The following SALL3 variants were observed in gnomAD, a reference collection of about 807,000 sequenced individuals.
SALL3 encodes the protein spalt like transcription factor 3.
Under a neutral mutation model 66.2 loss-of-function variants are expected in SALL3, and 25 were observed. The ratio of observed to expected loss-of-function variants is 0.38; its 90% CI spans 0.28 to 0.53. The LOEUF is 0.53. Ranked by LOEUF, SALL3 falls within the 20% of genes least tolerant of loss-of-function variation. The probability of loss-of-function intolerance (pLI) is 0.85; values close to 1 mark genes in which losing one functional copy is unlikely to be tolerated. For synonymous variants in SALL3, 1,152 were observed against 899.1 expected (o/e 1.28, Z -5.03); for missense variants, 2,194 against 1,916.5 (o/e 1.14, Z -2.70).
chr18:78,984,238 A>G (rs1914164605), intron 1 of SALL3, among the ~76,000 whole-genome samples: 1 of 152,194 alleles, frequency 6.6e-6, no homozygotes, highest in East Asian at 1.9e-4. Context: ...TTTGGGGGGA[A>G]TTCAGCAAAA....
intron 1 of SALL3, among the ~76,000 whole-genome samples, chr18:78,991,383 T>TTG (rs796281638): frequency 2.2e-5 from 2 of 92,116 alleles, no homozygotes; most frequent in Non-Finnish European, 4.6e-5. Flanking sequence ...AGTACAAGGG[T>TTG]GGGGGGGGGG....
chr18:78,989,807 C>T (rs1466475295), intron 1 of SALL3, among the ~76,000 whole-genome samples: 1 of 152,184 alleles, frequency 6.6e-6, no homozygotes, highest in Non-Finnish European at 1.5e-5. Flanking sequence ...CCTTAAAACA[C>T]TCTGTTCCTT....
chr18:78,980,072 C>T lies in SALL3; in HGVS notation c.-203C>T, dbSNP rs1913946331. Among the ~76,000 whole-genome samples, 1 of 146,034 alleles carries T rather than the reference C, an allele frequency of 6.8e-6. No individual in the cohort carries two copies. Among genetic ancestry groups the T allele is most frequent in the Non-Finnish European group, 1.5e-5 (1 of 65,748 alleles). ...CATTTGCATAGGCCGCCGGAGTCCGCTGGAGCCCGGCCAATCGGCGCGGCC... is the reference window on the plus strand; with the variant it reads ...CATTTGCATAGGCCGCCGGAGTCCGTTGGAGCCCGGCCAATCGGCGCGGCC... On this transcript the variant is annotated 5_prime_UTR_variant, in exon 1 of 3. Transcript: ENST00000537592.
At chr18:78,985,998 A>G (rs1179922298) in intron 1 of SALL3, among the ~76,000 whole-genome samples, 2 of 152,244 alleles carry the variant, frequency 1.3e-5, no homozygotes, top group African/African-American at 4.8e-5. Context: ...ATTTTTCATT[A>G]GGCATAGATA....
Position 78,997,364 on chromosome 18 carries a change from A to G in SALL3, c.*42A>G. 1 of 1,573,170 alleles carries G rather than the reference A, an allele frequency of 6.4e-7. No homozygotes were observed. Among genetic ancestry groups the G allele is most frequent in the Non-Finnish European group, 8.7e-7 (1 of 1,152,232 alleles). On this transcript the variant is annotated 3_prime_UTR_variant, in exon 3 of 3. Transcript: ENST00000537592. ...CTGCCCTGCCCAGGCCCACGTTTTGAAGTTGGAGCATCAGGCCTCCGACCT... is the reference window on the plus strand; with the variant it reads ...CTGCCCTGCCCAGGCCCACGTTTTGGAGTTGGAGCATCAGGCCTCCGACCT...
At chr18:78,982,421 G>A (rs1914103045) in intron 1 of SALL3, among the ~76,000 whole-genome samples, 1 of 152,240 alleles carries the variant, frequency 6.6e-6, no homozygotes, top group African/African-American at 2.4e-5. Context: ...AAAATACCCT[G>A]TGTGGGGCCG....
intron 1 of SALL3, 35 bp from the exon 2 acceptor site, chr18:78,992,039 C>T: frequency 7.2e-7 from 1 of 1,383,890 alleles, no homozygotes; most frequent in Non-Finnish European, 9.4e-7. Flanking sequence ...GGGCGGGCGC[C>T]GAGCCCCGGC....
Position 78,991,733 on chromosome 18 carries a change from C to T in SALL3, c.83-341C>T, listed in dbSNP as rs775066329. The T allele has an allele frequency of 1.4e-5, 4 of 290,162 alleles. No homozygotes were observed. The East Asian group carries it at 1.7e-4, about 12-fold the overall frequency. The allele number at this position is 290,162 out of a possible 1,614,324, so 18.0% of individuals were successfully genotyped here. On this transcript the variant is annotated intron_variant, in intron 1 of 2. Transcript: ENST00000537592. ...CTAATTTTGCTGGAAATGAGGAAGC[C>T]GGATGGTAAAGGGGAATCCTAATGA...
In SALL3 at chr18:78,992,708, G is replaced by A. The variant is rs1347510295; in HGVS notation, c.717G>A (p.Arg239=). The A allele has an allele frequency of 1.0e-5, 15 of 1,492,444 alleles. No individual in the cohort carries two copies. Among genetic ancestry groups the A allele is most frequent in the African/African-American group, 1.5e-5 (1 of 67,780 alleles). 92.5% of individuals were successfully genotyped at this position (1,492,444 alleles called of 1,614,324 possible). ...CCCTCATGCAGCGCCCGCCGCCGCGGCCCTCACTCAGCCCCGCGGCCGCCC... is the reference window on the plus strand; with the variant it reads ...CCCTCATGCAGCGCCCGCCGCCGCGACCCTCACTCAGCCCCGCGGCCGCCC... ...QVALMQRPPP[R]PSLSPAAAPS... Residue 239 remains arginine, a synonymous_variant, in exon 2 of 3, where the codon CGG becomes CGA. Coordinates refer to ENST00000537592, the MANE Select transcript of SALL3 (RefSeq NM_171999.4).
Position 78,992,690 on chromosome 18 carries a change from G to A in SALL3, c.699G>A (p.Met233Ile). ...IEQIRSQVAL[M>I]QRPPPRPSLS... Reference sequence around the variant, plus strand: ...AGATCCGCAGCCAGGTGGCCCTCATGCAGCGCCCGCCGCCGCGGCCCTCAC... The same window carrying A: ...AGATCCGCAGCCAGGTGGCCCTCATACAGCGCCCGCCGCCGCGGCCCTCAC... Residue 233 changes from methionine to isoleucine, a missense_variant, in exon 2 of 3, where the codon ATG becomes ATA. Coordinates refer to ENST00000537592, the MANE Select transcript of SALL3 (RefSeq NM_171999.4). 6.6e-7 allele frequency: 1 copy of A among 1,519,602 alleles called. No homozygotes were observed. The highest frequency in any genetic ancestry group is 8.8e-7 in the Non-Finnish European group (1 of 1,138,508). 94.1% of individuals were successfully genotyped at this position (1,519,602 alleles called of 1,614,324 possible). A position where few individuals can be genotyped will look rare whatever the true frequency, so the allele number is the denominator to read the frequency against.
Position 78,997,065 on chromosome 18 carries a change from G to A in SALL3, c.3646G>A (p.Ala1216Thr). Residue 1216 changes from alanine to threonine, a missense_variant, in exon 3 of 3, where the codon GCT becomes ACT. Physicochemically the swap from Ala to Thr is moderately conservative, Grantham distance 58. Coordinates refer to ENST00000537592, the MANE Select transcript of SALL3 (RefSeq NM_171999.4). The part of the protein sequence containing the change: ...NVDPSFWNQY[A>T]AAITNGLAMK... ...CGACCCCAGTTTTTGGAACCAGTAT[G>A]CTGCAGCCATCACTAACGGGCTCGC... 2 of 1,614,148 alleles carry A rather than the reference G, an allele frequency of 1.2e-6. No individual in the cohort carries two copies. Among genetic ancestry groups the A allele is most frequent in the Admixed American group, 1.7e-5 (1 of 60,028 alleles).
Position 78,994,405 on chromosome 18 carries a change from T to C in SALL3, c.2414T>C (p.Met805Thr). Reference sequence around the variant, plus strand: ...GATGACGACATGGACGAGAACTCCATGGAGGACGACGCTGAGCTGAAGGAC... The same window carrying C: ...GATGACGACATGGACGAGAACTCCACGGAGGACGACGCTGAGCTGAAGGAC... ...SYDDDMDENS[M>T]EDDAELKDAA... The change falls in exon 2 of 3, where the codon ATG (methionine) becomes ACG (threonine). Residue 805 changes from methionine (M) to threonine (T), a missense_variant. By Grantham distance (81) the Met-to-Thr change is moderately conservative. Coordinates refer to ENST00000537592, the MANE Select transcript of SALL3 (RefSeq NM_171999.4). 2 of 1,612,968 alleles carry C rather than the reference T, an allele frequency of 1.2e-6. No individual in the cohort carries two copies. The highest frequency in any genetic ancestry group is 1.3e-5 in the African/African-American group (1 of 75,030).
Position 78,993,078 on chromosome 18 carries a change from C to G in SALL3, c.1087C>G (p.Leu363Val). The G allele has an allele frequency of 6.3e-7, 1 of 1,597,494 alleles. No homozygotes were observed. The highest frequency in any genetic ancestry group is 1.1e-5 in the South Asian group (1 of 89,418). Residue 363 changes from leucine to valine, a missense_variant, in exon 2 of 3, where the codon CTA becomes GTA. By Grantham distance (32) the Leu-to-Val change is conservative. Transcript: ENST00000537592. Reference protein sequence around the residue: ...GAAPGLPSPLLPQTSASGVIF... With the variant: ...GAAPGLPSPLVPQTSASGVIF... ...GGCGCCCGGCCTGCCAAGTCCGCTT[C>G]TACCTCAGACTTCCGCCAGCGGCGT...
chr18:78,993,518 G>C lies in SALL3; in HGVS notation c.1527G>C (p.Val509=). ...YGMSLPPEKP[V]TTWLDSKPVL... is the part of the protein sequence containing the mutation. ...TGTCGCTGCCCCCCGAGAAGCCCGT[G>C]ACCACCTGGCTGGACAGCAAGCCCG... Residue 509 remains valine (V), a synonymous_variant, in exon 2 of 3, where the codon GTG becomes GTC. Coordinates refer to ENST00000537592, the MANE Select transcript of SALL3 (RefSeq NM_171999.4). 6.2e-7 allele frequency: 1 copy of C among 1,600,132 alleles called. No homozygotes were observed. Among genetic ancestry groups the C allele is most frequent in the African/African-American group, 1.3e-5 (1 of 74,398 alleles).
At chr18:78,986,994 A>T (rs1016494430) in intron 1 of SALL3, among the ~76,000 whole-genome samples, 8 of 152,208 alleles carry the variant, frequency 5.3e-5, no homozygotes, top group Non-Finnish European at 1.2e-4. Flanking sequence ...TATATATTTC[A>T]TACACAAAAT....
At chr18:78,991,855 A>T in intron 1 of SALL3, 1 of 424,714 alleles carries the variant, frequency 2.4e-6, no homozygotes, top group Non-Finnish European at 4.1e-6. Context: ...TTCATTAAGA[A>T]GCAGGATCCA....
At position 78,997,592 on chromosome 18, in the gene SALL3, A is replaced by C; in HGVS notation, c.*270A>C. The C allele has an allele frequency of 4.1e-6, 2 of 483,920 alleles. No individual in the cohort carries two copies. Among genetic ancestry groups the C allele is most frequent in the Non-Finnish European group, 3.6e-6 (1 of 275,216 alleles). 30.0% of individuals were successfully genotyped at this position (483,920 alleles called of 1,614,324 possible). On this transcript the variant is annotated 3_prime_UTR_variant, in exon 3 of 3. Coordinates refer to ENST00000537592, the MANE Select transcript of SALL3 (RefSeq NM_171999.4). ...CGCCTTAGGAACAGAAAGAGCTCAG[A>C]CCATGTCCACTTCCTTTCTCCTGAA...
At position 78,997,083 on chromosome 18, in the gene SALL3, G is replaced by A. The variant is rs745738298; in HGVS notation, c.3664G>A (p.Gly1222Arg). 4.3e-6 allele frequency: 7 copies of A among 1,614,086 alleles called. No homozygotes were observed. The highest frequency in any genetic ancestry group is 2.2e-5 in the East Asian group (1 of 44,874). Reference protein sequence around the residue: ...WNQYAAAITNGLAMKNNEISV... With the variant: ...WNQYAAAITNRLAMKNNEISV... ...CCAGTATGCTGCAGCCATCACTAAC[G>A]GGCTCGCCATGAAGAACAACGAGAT... is the stretch of plus-strand genomic sequence containing the variant. Residue 1222 changes from glycine to arginine, a missense_variant, in exon 3 of 3, where the codon GGG (glycine) becomes AGG (arginine). Transcript: ENST00000537592.
chr18:78,992,445 C>T lies in SALL3; in HGVS notation c.454C>T (p.Pro152Ser). 3 of 1,406,802 alleles carry T rather than the reference C, an allele frequency of 2.1e-6. No homozygotes were observed. The highest frequency in any genetic ancestry group is 2.8e-5 in the South Asian group (2 of 72,056). 87.1% of individuals were successfully genotyped at this position (1,406,802 alleles called of 1,614,324 possible). A position where few individuals can be genotyped will look rare whatever the true frequency, so the allele number is the denominator to read the frequency against. Reference protein sequence around the residue: ...TRAPRPPPAAPAPPTPAYGAP... With the variant: ...TRAPRPPPAASAPPTPAYGAP... ...CGCGCCCCGGCCCCCGCCTGCGGCC[C>T]CTGCACCCCCAACGCCCGCCTACGG... Residue 152 changes from proline to serine, a missense_variant, in exon 2 of 3, where the codon CCT becomes TCT. Pro to Ser is a moderately conservative substitution (Grantham distance 74). Transcript: ENST00000537592.
Sources: allele counts gnomAD v4.1 joint callset (sites outside exome capture counted in the v4.1 genomes callset), GRCh38; gene constraint gnomAD v4.1.1; transcripts MANE v1.5; gene names NCBI Gene and HGNC (gene_info 2026-07-23, HGNC 2026-07-21).